RERE: variants seen among roughly 807,000 people sequenced by gnomAD.
RERE encodes arginine-glutamic acid dipeptide repeats.
RERE carries 40 observed loss-of-function variants against 146.1 expected under a neutral mutation model. The observed-to-expected ratio is 0.27, with a 90% CI of 0.21 to 0.36. RERE has a LOEUF of 0.36. Among genes scored for constraint, RERE ranks in the 10% least tolerant of loss-of-function variants. The pLI is 1.00. For synonymous variants in RERE, 1,003 were observed against 866.0 expected, an observed-to-expected ratio of 1.16 and a Z score of -2.78; for missense variants, 1,933 against 2,138.7, an observed-to-expected ratio of 0.90 and a Z score of 1.90.
At chr1:8,424,429 T>G (rs1336799358) in intron 11 of RERE, among the ~76,000 whole-genome samples, 1 of 152,240 alleles carries the variant, frequency 6.6e-6, no homozygotes, top group Non-Finnish European at 1.5e-5. Flanking sequence ...GTGGAGGCTT[T>G]GCGTTTTTGA....
chr1:8,560,130 C>A (rs1244721710), intron 4 of RERE, among the ~76,000 whole-genome samples: 1 of 152,214 alleles, frequency 6.6e-6, no homozygotes, highest in Admixed American at 6.5e-5. Flanking sequence ...ACCTGTTTGG[C>A]AGTGCTTGGG....
At chr1:8,473,216 T>A (rs919966269) in intron 10 of RERE, among the ~76,000 whole-genome samples, 1 of 152,224 alleles carries the variant, frequency 6.6e-6, no homozygotes, top group African/African-American at 2.4e-5. Context: ...TCTTTCCCTA[T>A]GTGGTGTCTA....
intron 1 of RERE, among the ~76,000 whole-genome samples, chr1:8,714,707 A>C (rs1379983971): frequency 6.6e-6 from 1 of 152,188 alleles, no homozygotes; most frequent in Non-Finnish European, 1.5e-5. Flanking sequence ...GATAGCACCA[A>C]GGCTGATCTA....
intron 1 of RERE, among the ~76,000 whole-genome samples, chr1:8,686,253 G>C (rs933228418): frequency 2.6e-5 from 4 of 152,134 alleles, no homozygotes; most frequent in African/African-American, 9.7e-5. Flanking sequence ...ACGGTGCTAG[G>C]ATTACAGGTG....
intron 6 of RERE, among the ~76,000 whole-genome samples, chr1:8,550,320 G>C (rs1645918096): frequency 6.6e-6 from 1 of 152,118 alleles, no homozygotes; most frequent in African/African-American, 2.4e-5. Context: ...AATGATGAAT[G>C]AATAAATAAA....
chr1:8,646,782 A>G (rs1647329652), intron 2 of RERE, among the ~76,000 whole-genome samples: 1 of 152,208 alleles, frequency 6.6e-6, no homozygotes, highest in Non-Finnish European at 1.5e-5. Flanking sequence ...AAACTACTGT[A>G]AGCAAGGACA....
At chr1:8,555,836 G>A (rs1436686131) in intron 6 of RERE, among the ~76,000 whole-genome samples, 1 of 152,130 alleles carries the variant, frequency 6.6e-6, no homozygotes, top group African/African-American at 2.4e-5. Flanking sequence ...TGACTGGCTG[G>A]AATGTTACCT....
At chr1:8,486,897 G>T (rs1340371749) in intron 10 of RERE, among the ~76,000 whole-genome samples, 5 of 151,792 alleles carry the variant, frequency 3.3e-5, no homozygotes, top group Non-Finnish European at 7.4e-5. Flanking sequence ...TAAGAAAACA[G>T]AACAGGAAGA....
At chr1:8,470,641 C>A (rs1287508390) in intron 10 of RERE, among the ~76,000 whole-genome samples, 6 of 151,938 alleles carry the variant, frequency 3.9e-5, no homozygotes, top group African/African-American at 1.5e-4. Flanking sequence ...ACTTGGTCAA[C>A]TGGCTGTTCT....
intron 1 of RERE, among the ~76,000 whole-genome samples, chr1:8,761,826 G>A (rs1640761476): frequency 6.6e-6 from 1 of 152,124 alleles, no homozygotes; most frequent in Admixed American, 6.5e-5. Flanking sequence ...GAAGGCTGAG[G>A]CAGGAGACTC....
At chr1:8,725,961 C>A (rs1019276921) in intron 1 of RERE, among the ~76,000 whole-genome samples, 3 of 88,594 alleles carry the variant, frequency 3.4e-5, no homozygotes, top group Non-Finnish European at 4.8e-5. Flanking sequence ...CAAAATAAGT[C>A]AAACTCTTCC....
chr1:8,579,832 C>T (rs1274450209), intron 4 of RERE, among the ~76,000 whole-genome samples: 1 of 152,144 alleles, frequency 6.6e-6, no homozygotes, highest in African/African-American at 2.4e-5. Context: ...GGTAAAACCC[C>T]GTCTCTACTA....
In RERE at chr1:8,360,144, C is replaced by A; in HGVS notation, c.3363G>T (p.Val1121=). 1 of 1,593,022 alleles carries A rather than the reference C, an allele frequency of 6.3e-7. No homozygotes were observed. The highest frequency in any genetic ancestry group is 1.1e-5 in the South Asian group (1 of 88,040). ...ACTGGCTGGCGTGACTGGGGGTGTC[C>A]ACCACAGTGGGCTCCGGGGACGGGC... ...PRSPSPEPTV[V]DTPSHASQSA... The change falls in exon 18 of 23, where the codon GTG becomes GTT. Residue 1121 remains valine (V), a synonymous_variant. Coordinates refer to ENST00000400908, the MANE Select transcript of RERE (RefSeq NM_001042681.2).
intron 2 of RERE, among the ~76,000 whole-genome samples, chr1:8,651,020 C>G (rs534109611): frequency 6.6e-6 from 1 of 152,038 alleles, no homozygotes; most frequent in Admixed American, 6.6e-5. Context: ...TTGCTTGAAC[C>G]CAGGAGGCAG....
intron 1 of RERE, among the ~76,000 whole-genome samples, chr1:8,740,040 C>G (rs966745033): frequency 6.6e-6 from 1 of 152,040 alleles, no homozygotes; most frequent in African/African-American, 2.4e-5. Flanking sequence ...GATTCTTCAT[C>G]ATTCTTCAGC....
At chr1:8,731,816 T>G (rs1569658883) in intron 1 of RERE, among the ~76,000 whole-genome samples, 1 of 152,262 alleles carries the variant, frequency 6.6e-6, no homozygotes, top group Non-Finnish European at 1.5e-5. Context: ...TTTGTTTTGT[T>G]TTTTTGAGAA....
At chr1:8,523,852 A>G (rs908740411) in intron 7 of RERE, among the ~76,000 whole-genome samples, 4 of 152,238 alleles carry the variant, frequency 2.6e-5, no homozygotes. Flanking sequence ...CCTGATCCAG[A>G]GCTGATTCGG....
intron 11 of RERE, among the ~76,000 whole-genome samples, chr1:8,458,735 A>G (rs1360388540): frequency 1.3e-5 from 2 of 152,342 alleles, no homozygotes; most frequent in South Asian, 4.1e-4. Flanking sequence ...AAACACAAAG[A>G]GCAAAATGGG....
chr1:8,582,746 C>T (rs1175797939), intron 4 of RERE, among the ~76,000 whole-genome samples: 2 of 152,052 alleles, frequency 1.3e-5, no homozygotes, highest in Non-Finnish European at 1.5e-5. Context: ...AAAACACACA[C>T]ACATACACCC....
Sources: allele counts gnomAD v4.1 joint callset (sites outside exome capture counted in the v4.1 genomes callset), GRCh38; gene constraint gnomAD v4.1.1; transcripts MANE v1.5; gene names NCBI Gene and HGNC (gene_info 2026-07-23, HGNC 2026-07-21).